AKAP8: variants seen among roughly 807,000 people sequenced by gnomAD.
The protein encoded by AKAP8 is A-kinase anchor protein 8.
AKAP8 carries 24 observed loss-of-function variants against 67.5 expected under a neutral mutation model. That is an observed-to-expected ratio of 0.36 (90% CI 0.26 to 0.50). AKAP8 has a LOEUF of 0.50. Among genes scored for constraint, AKAP8 ranks in the 20% least tolerant of loss-of-function variants. The pLI is 0.97. For synonymous variants in AKAP8, 400 were observed against 371.1 expected (o/e 1.08, Z -0.90); for missense variants, 971 against 955.9 (o/e 1.02, Z -0.21).
chr19:15,368,060 C>A (rs1394965440), intron 9 of AKAP8, among the ~76,000 whole-genome samples, 175 bp downstream of exon 9: 1 of 152,240 alleles, frequency 6.6e-6, no homozygotes, highest in Non-Finnish European at 1.5e-5. Flanking sequence ...GCTGGGAGCA[C>A]GAGTGATGGT....
At chr19:15,363,109 C>A (rs1185490901) in intron 9 of AKAP8, among the ~76,000 whole-genome samples, 6 of 150,082 alleles carry the variant, frequency 4.0e-5, no homozygotes, top group Middle Eastern at 3.5e-3. Flanking sequence ...AAGTGAGGAG[C>A]CCCTCCGCCC....
In AKAP8 at chr19:15,355,124, G is replaced by A. The variant is rs1452621299; in HGVS notation, c.1870C>T (p.Leu624=). ...EAGSDPQAEQ[L]LEEQVPCGTA... ...CCACAGGGCACCTGCTCTTCCAGCA[G>A]CTGTTCGGCTTGAGGATCACTACCG... The change falls in exon 14 of 14, where the codon CTG becomes TTG. Residue 624 remains leucine (L), a synonymous_variant. Transcript: ENST00000269701. 10 of 1,613,668 alleles carry A rather than the reference G, an allele frequency of 6.2e-6. No individual in the cohort carries two copies. Among genetic ancestry groups the A allele is most frequent in the Non-Finnish European group, 7.6e-6 (9 of 1,180,048 alleles).
chr19:15,376,856 TAC>T, intron 2 of AKAP8, 118 bp downstream of exon 2: 1 of 1,151,672 alleles, frequency 8.7e-7, no homozygotes, highest in Non-Finnish European at 1.3e-6. Context: ...TCTGATCTTT[TAC>T]ACAAAGTTTG....
At chr19:15,372,171 C>T (rs1045583580) in intron 6 of AKAP8, 47 bp downstream of exon 6, 2 of 1,609,828 alleles carry the variant, frequency 1.2e-6, no homozygotes, top group Non-Finnish European at 1.7e-6. Flanking sequence ...CAGCAGGCAG[C>T]CGACCCATCC....
At chr19:15,362,438 G>A (rs141753667) in intron 9 of AKAP8, among the ~76,000 whole-genome samples, 187 bp from the exon 10 acceptor site, 1,357 of 83,080 alleles carry the variant, frequency 0.016, 16 homozygotes, top group Non-Finnish European at 0.027. Context: ...CTGCCATCTC[G>A]GCTCACTGCA....
Position 15,369,021 on chromosome 19 carries a change from G to T in AKAP8, c.1073-699C>A. 1.0e-6 allele frequency: 1 copy of T among 985,784 alleles called. No homozygotes were observed. Among genetic ancestry groups the T allele is most frequent in the Non-Finnish European group, 1.2e-6 (1 of 830,260 alleles). The allele number at this position is 985,784 out of a possible 1,614,324, so 61.1% of individuals were successfully genotyped here. ...ATCATCCCAGCATGAGGCCAGGGAC[G>T]GACGCTGAAAAAAGGTTGGAGAAGC... On this transcript the variant is annotated intron_variant, in intron 8 of 13. Coordinates refer to ENST00000269701, the MANE Select transcript of AKAP8 (RefSeq NM_005858.4). The surrounding 1 kb of genome is among the most constrained non-coding windows in gnomAD (Gnocchi z 4.6).
At chr19:15,360,615 C>T (rs998897153) in intron 12 of AKAP8, among the ~76,000 whole-genome samples, 4 of 152,162 alleles carry the variant, frequency 2.6e-5, no homozygotes, top group Non-Finnish European at 4.4e-5. Context: ...AACTGACCAA[C>T]GTGGAAACAC....
In AKAP8 at chr19:15,360,991, G is replaced by A. The variant is rs201282711; in HGVS notation, c.1397-13C>T. 1.6e-5 allele frequency: 25 copies of A among 1,610,928 alleles called. No individual in the cohort carries two copies. The highest frequency in any genetic ancestry group is 1.7e-4 in the Middle Eastern group (1 of 6,056). On this transcript the variant is annotated splice_polypyrimidine_tract_variant and intron_variant, in intron 11 of 13. Transcript: ENST00000269701. Reference sequence around the variant, plus strand: ...TCCTGGCCAATCCCTGCCAGGAAACGCATGTCTTGTAGGATCTGGGACAGC... The same window carrying A: ...TCCTGGCCAATCCCTGCCAGGAAACACATGTCTTGTAGGATCTGGGACAGC...
At chr19:15,368,770 G>A in intron 8 of AKAP8, 3 of 985,338 alleles carry the variant, frequency 3.0e-6, no homozygotes, top group Non-Finnish European at 3.6e-6. Context: ...ACCTCTAGGT[G>A]GACTGTGACG....
At chr19:15,357,354 A>C (rs936887362) in intron 13 of AKAP8, among the ~76,000 whole-genome samples, 1 of 133,874 alleles carries the variant, frequency 7.5e-6, no homozygotes, top group African/African-American at 2.8e-5. Flanking sequence ...GCATGAACCC[A>C]GGACACAGAG....
At chr19:15,370,283 A>T in intron 7 of AKAP8, 104 bp from the exon 8 acceptor site, 1 of 1,347,704 alleles carries the variant, frequency 7.4e-7, no homozygotes, top group Non-Finnish European at 1.1e-6. Flanking sequence ...CTCACCCAAG[A>T]CCTAGGTTGC....
chr19:15,373,119 C>A lies in AKAP8; in HGVS notation c.593G>T (p.Arg198Leu), dbSNP rs547463044. ...GCGCATGAAGGTGCCAGGGTTGCTC[C>A]GGTCCTGGAAGCGGCCCTGGCCCCG... ...RGRGQGRFQD[R>L]SNPGTFMRSD... is the part of the protein sequence containing the mutation. Residue 198 changes from arginine (R) to leucine (L), a missense_variant, in exon 5 of 14, where the codon CGG becomes CTG. Around this residue, in one of 3 missense-constraint regions of AKAP8, gnomAD observed 763 missense variants for 745.4 expected, o/e 1.02. Transcript: ENST00000269701. The A allele has an allele frequency of 6.2e-7, 1 of 1,612,684 alleles. No homozygotes were observed. The highest frequency in any genetic ancestry group is 1.1e-5 in the South Asian group (1 of 91,034).
intron 4 of AKAP8, 26 bp downstream of exon 4, chr19:15,373,760 G>A (rs765005382): frequency 1.3e-5 from 21 of 1,589,944 alleles, no homozygotes; most frequent in Middle Eastern, 2.3e-4. Context: ...GTGGGGTCCC[G>A]GGGGAGGGCT....
intron 2 of AKAP8, among the ~76,000 whole-genome samples, chr19:15,375,068 T>C (rs980974728): frequency 1.3e-5 from 2 of 152,232 alleles, no homozygotes; most frequent in African/African-American, 4.8e-5. Flanking sequence ...GAGGACGTTA[T>C]GTGCCACGAG....
rs1967205703 is a variant in AKAP8, at chr19:15,373,864, T to C, written c.293A>G (p.Gln98Arg). ...NSDSLIAKIN[Q>R]RLDMMSKEGG... ...TTCCTTGGACATCATGTCCAAACGC[T>C]GGTTGATCTTGGCAATGAGGGAGTC... Residue 98 changes from glutamine (Q) to arginine (R), a missense_variant, in exon 4 of 14, where the codon CAG becomes CGG. Transcript: ENST00000269701. 2 of 1,613,022 alleles carry C rather than the reference T, an allele frequency of 1.2e-6. No individual in the cohort carries two copies. Among genetic ancestry groups the C allele is most frequent in the Non-Finnish European group, 1.7e-6 (2 of 1,179,922 alleles).
At chr19:15,372,099 C>T in intron 6 of AKAP8, 101 bp from the exon 7 acceptor site, 1 of 1,608,632 alleles carries the variant, frequency 6.2e-7, no homozygotes, top group East Asian at 2.2e-5. Context: ...GCCCTGACCA[C>T]AGTGGGGTTG....
intron 1 of AKAP8, chr19:15,378,944 T>A (rs1967311432): frequency 6.5e-6 from 1 of 153,414 alleles, no homozygotes; most frequent in Non-Finnish European, 1.4e-5. Flanking sequence ...ACAGACTGCC[T>A]AAAGGAGAAC....
chr19:15,363,371 C>G, intron 9 of AKAP8, among the ~76,000 whole-genome samples: 1 of 146,432 alleles, frequency 6.8e-6, no homozygotes, highest in Admixed American at 6.7e-5. Flanking sequence ...GGTCAGCCCC[C>G]CGCCCGGCCA....
rs745584936 is a variant in AKAP8 at position 15,372,949 on chromosome 19, C to T, written c.763G>A (p.Asp255Asn). The T allele has an allele frequency of 2.2e-5, 34 of 1,547,894 alleles. No homozygotes were observed. Among genetic ancestry groups the T allele is most frequent in the Non-Finnish European group, 2.6e-5 (30 of 1,147,538 alleles). The change falls in exon 5 of 14, where the codon GAC becomes AAC. Residue 255 changes from aspartate to asparagine, a missense_variant. Around this residue, in one of 3 missense-constraint regions of AKAP8, gnomAD observed 763 missense variants for 745.4 expected, o/e 1.02. Transcript: ENST00000269701. ...PSLFSQSMAP[D>N]YGVMGMQGAG... Reference sequence around the variant, plus strand: ...CCCTGCATGCCCATCACGCCGTAGTCGGGAGCCATGGACTGGGAGAAGAGG... The same window carrying T: ...CCCTGCATGCCCATCACGCCGTAGTTGGGAGCCATGGACTGGGAGAAGAGG...
Sources: allele counts gnomAD v4.1 joint callset (sites outside exome capture counted in the v4.1 genomes callset), GRCh38; gene constraint gnomAD v4.1.1; regional missense constraint gnomAD v4.1.1; non-coding constraint Gnocchi (gnomAD v3.1); transcripts MANE v1.5; gene names NCBI Gene and HGNC (gene_info 2026-07-23, HGNC 2026-07-21).